ANKRD50: variants seen among roughly 807,000 people sequenced by gnomAD.
The protein encoded by ANKRD50 is ankyrin repeat domain 50.
In ANKRD50, 40 loss-of-function variants were observed where a neutral mutation model predicts 112.0. That is an observed-to-expected ratio of 0.36 (90% CI 0.28 to 0.46). The LOEUF (loss-of-function observed/expected upper bound fraction) is 0.46. Ranked by LOEUF, ANKRD50 falls within the 20% of genes least tolerant of loss-of-function variation. The pLI is 1.00. For missense variants in ANKRD50, 1,487 were observed against 1,701.7 expected (o/e 0.87, Z 2.22); for synonymous variants, 613 against 619.1 (o/e 0.99, Z 0.15).
chr4:124,674,861 TTA>T (rs1287560861), intron 3 of ANKRD50, among the ~76,000 whole-genome samples: 1 of 151,862 alleles, frequency 6.6e-6, no homozygotes, highest in Non-Finnish European at 1.5e-5. Context: ...GTTATAATAG[TTA>T]TCTGTTCATT....
At chr4:124,709,900 C>A in intron 2 of ANKRD50, 100 bp downstream of exon 2, 1 of 1,460,658 alleles carries the variant, frequency 6.8e-7, no homozygotes, top group African/African-American at 1.4e-5. Context: ...ATGTACAGCA[C>A]CAGTAAAAGT....
chr4:124,679,104 T>C (rs758697437), intron 2 of ANKRD50, among the ~76,000 whole-genome samples, 199 bp from the exon 3 acceptor site: 1 of 152,212 alleles, frequency 6.6e-6, no homozygotes, highest in Non-Finnish European at 1.5e-5. Flanking sequence ...AATTACAGCA[T>C]TTTGAACAAT....
Position 124,710,374 on chromosome 4 carries a change from A to C in ANKRD50, c.138T>G (p.Ser46Arg), listed in dbSNP as rs1364745245. The stretch of plus-strand genomic sequence containing the variant: ...TTACAAGTGATGGTGCATTGACAGC[A>C]CTATTGCAGCAGTTACTTTTCTCCT... Reference protein sequence around the residue: ...CLQEKSNCCNSAVNAPSLVMN... With the variant: ...CLQEKSNCCNRAVNAPSLVMN... The change falls in exon 2 of 5, where the codon AGT becomes AGG. Residue 46 changes from serine to arginine, a missense_variant. Physicochemically the swap from Ser to Arg is moderately radical, Grantham distance 110 (BLOSUM62 -1). This residue lies in a region of ANKRD50 where 1,046 missense variants were observed against 1,269.5 expected (regional missense o/e 0.82). Transcript: ENST00000504087. 1.9e-6 allele frequency: 3 copies of C among 1,614,194 alleles called. No homozygotes were observed. In the South Asian group the frequency reaches 3.3e-5, roughly 18 times the overall value.
At chr4:124,706,134 T>G (rs1196290982) in intron 2 of ANKRD50, among the ~76,000 whole-genome samples, 1 of 152,100 alleles carries the variant, frequency 6.6e-6, no homozygotes, top group East Asian at 1.9e-4. Context: ...ATATTAATGT[T>G]AGAATTTGAG....
intron 2 of ANKRD50, among the ~76,000 whole-genome samples, chr4:124,694,857 A>G (rs1357403039): frequency 6.6e-6 from 1 of 152,194 alleles, no homozygotes; most frequent in Non-Finnish European, 1.5e-5. Flanking sequence ...ACAAAGATGT[A>G]GAAATGGTAA....
rs554485267 is a variant in ANKRD50 at position 124,669,772 on chromosome 4, C to G, written c.3505G>C (p.Asp1169His). The change falls in exon 4 of 5, where the codon GAT becomes CAT. Residue 1169 changes from aspartate (D) to histidine (H), a missense_variant. Physicochemically the swap from Asp to His is moderately conservative, Grantham distance 81. This residue lies in a region of ANKRD50 where 441 missense variants were observed against 432.2 expected (regional missense o/e 1.02). Transcript: ENST00000504087. ...HAFSSPSESP[D>H]STVDRQKSSL... ...GACTTCTGCCGGTCAACTGTAGAAT[C>G]TGGAGATTCTGAAGGAGAACTAAAA... 5.0e-6 allele frequency: 8 copies of G among 1,613,216 alleles called. No individual in the cohort carries two copies. The African/African-American group carries it at 9.3e-5, about 19-fold the overall frequency.
Position 124,665,206 on chromosome 4 carries a change from A to G in ANKRD50, c.*2312T>C. ...CATCCTATCATCCTTATCCTAACTC[A>G]AAGTCATTTATGTTCTATTCCAAAA... On this transcript the variant is annotated 3_prime_UTR_variant, in exon 5 of 5. Transcript: ENST00000504087. 6.6e-6 allele frequency: 1 copy of G among 152,268 alleles called. No individual in the cohort carries two copies. The allele number at this position is 152,268 out of a possible 1,614,324, so 9.4% of individuals were successfully genotyped here. A position where few individuals can be genotyped will look rare whatever the true frequency, so the allele number is the denominator to read the frequency against.
chr4:124,665,834 AAAT>A lies in ANKRD50; in HGVS notation c.*1681_*1683del, dbSNP rs1578566290. The A allele has an allele frequency of 1.3e-5, 2 of 152,548 alleles. No homozygotes were observed. The highest frequency in any genetic ancestry group is 3.9e-4 in the East Asian group (2 of 5,172). 9.4% of individuals were successfully genotyped at this position (152,548 alleles called of 1,614,324 possible). A position where few individuals can be genotyped will look rare whatever the true frequency, so the allele number is the denominator to read the frequency against. On this transcript the variant is annotated 3_prime_UTR_variant, in exon 5 of 5. Coordinates refer to ENST00000504087, the MANE Select transcript of ANKRD50 (RefSeq NM_020337.3). Reference sequence around the variant, plus strand: ...CAAAATGAGTTTTGCTGACTTTAAAAAATAAAAGCAAGAAAAGCCTTACAATAA... The same window carrying A: ...CAAAATGAGTTTTGCTGACTTTAAAAAAAAGCAAGAAAAGCCTTACAATAA...
chr4:124,674,351 G>T (rs1295801716), intron 3 of ANKRD50, among the ~76,000 whole-genome samples: 1 of 151,892 alleles, frequency 6.6e-6, no homozygotes, highest in Admixed American at 6.6e-5. Flanking sequence ...TGGAACTTGA[G>T]ATTATTAAGA....
At chr4:124,683,924 T>C (rs569344487) in intron 2 of ANKRD50, among the ~76,000 whole-genome samples, 1 of 148,514 alleles carries the variant, frequency 6.7e-6, no homozygotes, top group East Asian at 2.0e-4. Flanking sequence ...TTTTTTCCAT[T>C]TATAGCTTCT....
chr4:124,690,631 A>G (rs1373439094), intron 2 of ANKRD50, among the ~76,000 whole-genome samples: 1 of 151,694 alleles, frequency 6.6e-6, no homozygotes, highest in African/African-American at 2.4e-5. Context: ...TGTTACCTTA[A>G]AAATTTTTAA....
intron 2 of ANKRD50, among the ~76,000 whole-genome samples, chr4:124,684,902 T>A (rs1724973126): frequency 6.6e-6 from 1 of 152,050 alleles, no homozygotes; most frequent in Non-Finnish European, 1.5e-5. Context: ...TTCCCCCCCA[T>A]TCAGGACCTA....
intron 2 of ANKRD50, among the ~76,000 whole-genome samples, chr4:124,695,746 G>A (rs756630467): frequency 1.1e-4 from 17 of 152,240 alleles, no homozygotes; most frequent in Non-Finnish European, 2.5e-4. Flanking sequence ...TTTCAGAGCT[G>A]AAAAGACTCT....
At position 124,670,302 on chromosome 4, in the gene ANKRD50, A is replaced by T. The variant is rs1344465044; in HGVS notation, c.2975T>A (p.Met992Lys). The stretch of plus-strand genomic sequence containing the variant: ...TGCTATCAGGACCTGCACCATTTCC[A>T]TATGGCCTTGCCAACAAGACACATG... ...ALHVSCWQGH[M>K]EMVQVLIAYH... Residue 992 changes from methionine (M) to lysine (K), a missense_variant, in exon 4 of 5, where the codon ATG becomes AAG. Met to Lys is a moderately conservative substitution (Grantham distance 95). Around this residue, in one of 2 missense-constraint regions of ANKRD50, gnomAD observed 1,046 missense variants for 1,269.5 expected, o/e 0.82. Transcript: ENST00000504087. The T allele has an allele frequency of 2.5e-6, 4 of 1,613,938 alleles. No individual in the cohort carries two copies. The highest frequency in any genetic ancestry group is 3.4e-6 in the Non-Finnish European group (4 of 1,179,884).
intron 2 of ANKRD50, among the ~76,000 whole-genome samples, chr4:124,696,448 T>A (rs574138113): frequency 1.3e-5 from 2 of 152,236 alleles, no homozygotes; most frequent in South Asian, 4.1e-4. Flanking sequence ...AGAGGCACTA[T>A]ACTATCTGAA....
chr4:124,670,144 C>T lies in ANKRD50; in HGVS notation c.3133G>A (p.Gly1045Ser). Reference protein sequence around the residue: ...GAVVDHTCNQGATALCIAAQE... With the variant: ...GAVVDHTCNQSATALCIAAQE... ...GCTGCAATACAGAGTGCAGTTGCACCTTGGTTACATGTATGGTCAACTACA... is the reference window on the plus strand; with the variant it reads ...GCTGCAATACAGAGTGCAGTTGCACTTTGGTTACATGTATGGTCAACTACA... The change falls in exon 4 of 5, where the codon GGT becomes AGT. Residue 1045 changes from glycine (G) to serine (S), a missense_variant. Transcript: ENST00000504087. 6.2e-7 allele frequency: 1 copy of T among 1,612,242 alleles called. No individual in the cohort carries two copies. Among genetic ancestry groups the T allele is most frequent in the Non-Finnish European group, 8.5e-7 (1 of 1,179,464 alleles).
intron 2 of ANKRD50, among the ~76,000 whole-genome samples, chr4:124,694,563 A>C (rs1427647750): frequency 6.6e-6 from 1 of 152,162 alleles, no homozygotes; most frequent in Non-Finnish European, 1.5e-5. Context: ...TAGGAGCTGG[A>C]GCTAGGGCAT....
intron 3 of ANKRD50, among the ~76,000 whole-genome samples, chr4:124,676,528 T>G (rs977817200): frequency 6.6e-6 from 1 of 151,408 alleles, no homozygotes; most frequent in Non-Finnish European, 1.5e-5. Context: ...ACACCCAAAC[T>G]TAATGTATGA....
rs1166428761 is a variant in ANKRD50 at position 124,669,189 on chromosome 4, G to T, written c.4088C>A (p.Thr1363Lys). 1 of 1,613,502 alleles carries T rather than the reference G, an allele frequency of 6.2e-7. No individual in the cohort carries two copies. Among genetic ancestry groups the T allele is most frequent in the South Asian group, 1.1e-5 (1 of 91,038 alleles). Residue 1363 changes from threonine (T) to lysine (K), a missense_variant, in exon 4 of 5, where the codon ACA (threonine) becomes AAA (lysine). This residue lies in a region of ANKRD50 where 441 missense variants were observed against 432.2 expected (regional missense o/e 1.02). Coordinates refer to ENST00000504087, the MANE Select transcript of ANKRD50 (RefSeq NM_020337.3). ...GEQKKRNGIM[T>K]NPNYHLQSNQ... ...GCTCTGAAGATGATAATTTGGATTT[G>T]TCATTATTCCATTTCTCTTCTTCTG...
Sources: allele counts gnomAD v4.1 joint callset (sites outside exome capture counted in the v4.1 genomes callset), GRCh38; gene constraint gnomAD v4.1.1; regional missense constraint gnomAD v4.1.1; transcripts MANE v1.5; gene names NCBI Gene and HGNC (gene_info 2026-07-23, HGNC 2026-07-21).